Variants in MAP4K5 observed in about 807,000 individuals in gnomAD.
The protein encoded by MAP4K5 is MAPK/ERK kinase kinase kinase 5.
In MAP4K5, 82 loss-of-function variants were observed where a neutral mutation model predicts 135.6. The observed-to-expected ratio is 0.60, with a 90% CI of 0.51 to 0.73. MAP4K5 has a LOEUF of 0.73. Ranked by LOEUF, MAP4K5 falls within the 30% of genes least tolerant of loss-of-function variation. The probability of loss-of-function intolerance (pLI) is 0.00; values close to 1 mark genes in which losing one functional copy is unlikely to be tolerated. For missense variants in MAP4K5, 907 were observed against 1,010.9 expected, an observed-to-expected ratio of 0.90 and a Z score of 1.39; for synonymous variants, 347 against 335.0, an observed-to-expected ratio of 1.04 and a Z score of -0.39.
At chr14:50,518,713 T>C (rs2038085735) in intron 2 of MAP4K5, among the ~76,000 whole-genome samples, 3 of 152,228 alleles carry the variant, frequency 2.0e-5, no homozygotes, top group Admixed American at 6.5e-5. Context: ...TCTATTAGGA[T>C]ACTCATCTGT....
intron 14 of MAP4K5, among the ~76,000 whole-genome samples, chr14:50,452,131 A>G (rs1292803290): frequency 1.3e-5 from 2 of 152,180 alleles, no homozygotes; most frequent in African/African-American, 4.8e-5. Context: ...GGGCTAAGTT[A>G]TGATGTTTGG....
intron 3 of MAP4K5, among the ~76,000 whole-genome samples, chr14:50,491,182 T>A (rs983853440): frequency 6.6e-6 from 1 of 152,120 alleles, no homozygotes; most frequent in African/African-American, 2.4e-5. Context: ...TGTGCCAAGA[T>A]AAAAGGCAGT....
At chr14:50,460,014 T>C (rs1455070356) in intron 13 of MAP4K5, among the ~76,000 whole-genome samples, 1 of 152,170 alleles carries the variant, frequency 6.6e-6, no homozygotes, top group Non-Finnish European at 1.5e-5. Flanking sequence ...GACTTTTCTT[T>C]AGTTCCTTAT....
At chr14:50,446,461 T>C (rs1644915803) in intron 16 of MAP4K5, among the ~76,000 whole-genome samples, 1 of 152,246 alleles carries the variant, frequency 6.6e-6, no homozygotes, top group South Asian at 2.1e-4. Flanking sequence ...AGTGGGTATA[T>C]CATCAAACCT....
intron 5 of MAP4K5, among the ~76,000 whole-genome samples, chr14:50,483,746 G>T (rs919445275): frequency 7.0e-6 from 1 of 143,494 alleles, no homozygotes; most frequent in East Asian, 2.0e-4. Context: ...AAAAAAGCCA[G>T]CTATCTTGAG....
intron 2 of MAP4K5, among the ~76,000 whole-genome samples, chr14:50,524,234 T>G (rs1157766409): frequency 6.6e-6 from 1 of 152,062 alleles, no homozygotes; most frequent in East Asian, 1.9e-4. Context: ...GAAGAAACAT[T>G]TGTGTGCCTC....
chr14:50,432,938 T>A (rs901765763), intron 28 of MAP4K5, among the ~76,000 whole-genome samples: 1 of 152,068 alleles, frequency 6.6e-6, no homozygotes, highest in Non-Finnish European at 1.5e-5. Context: ...TCCAGGTTCA[T>A]GCGATTCTCC....
Position 50,434,386 on chromosome 14 carries a change from A to G in MAP4K5, c.2164+8T>C. 6.3e-7 allele frequency: 1 copy of G among 1,587,794 alleles called. No individual in the cohort carries two copies. The highest frequency in any genetic ancestry group is 1.2e-5 in the South Asian group (1 of 86,802). ...TCAATATTCTAACATAAGGTAAAAA[A>G]TACTTACCTGCACCAATTTCTGTAA... On this transcript the variant is annotated splice_region_variant and intron_variant, in intron 28 of 32. Transcript: ENST00000682126.
intron 3 of MAP4K5, among the ~76,000 whole-genome samples, chr14:50,486,943 CAT>C (rs2037375514): frequency 6.6e-6 from 1 of 152,152 alleles, no homozygotes; most frequent in Non-Finnish European, 1.5e-5. Context: ...CTTAGAAAAA[CAT>C]ACAAGGCCAA....
intron 9 of MAP4K5, among the ~76,000 whole-genome samples, chr14:50,472,788 G>C (rs944627510): frequency 1.3e-5 from 2 of 152,100 alleles, no homozygotes; most frequent in Non-Finnish European, 2.9e-5. Flanking sequence ...GGCAAAACAG[G>C]TAAGTTTCCA....
intron 1 of MAP4K5, among the ~76,000 whole-genome samples, chr14:50,549,060 C>T (rs550575993): frequency 1.2e-4 from 18 of 152,168 alleles, no homozygotes; most frequent in African/African-American, 4.3e-4. Flanking sequence ...GTGTACTAGT[C>T]CTTAAAGTCA....
chr14:50,478,763 G>C (rs1176424378), intron 6 of MAP4K5, among the ~76,000 whole-genome samples: 3 of 152,020 alleles, frequency 2.0e-5, no homozygotes, highest in Non-Finnish European at 4.4e-5. Flanking sequence ...TTCAGTGTTT[G>C]TAAGTCTGAA....
intron 6 of MAP4K5, among the ~76,000 whole-genome samples, chr14:50,480,041 C>T (rs968532437): frequency 6.6e-6 from 1 of 152,126 alleles, no homozygotes; most frequent in African/African-American, 2.4e-5. Flanking sequence ...TTTTGGGTAG[C>T]ATGGTAAATC....
Position 50,466,567 on chromosome 14 carries a change from A to G in MAP4K5, c.737+16T>C. The G allele has an allele frequency of 7.9e-7, 1 of 1,266,712 alleles. No individual in the cohort carries two copies. Among genetic ancestry groups the G allele is most frequent in the Non-Finnish European group, 1.1e-6 (1 of 890,148 alleles). 78.5% of individuals were successfully genotyped at this position (1,266,712 alleles called of 1,614,324 possible). On this transcript the variant is annotated intron_variant, in intron 11 of 32. Coordinates refer to ENST00000682126, the MANE Select transcript of MAP4K5 (RefSeq NM_006575.6). ...CGATTGTAAAATTCTATAAAACTAT[A>G]TATTCTTTAACTCACCATTTTGTTT... is the stretch of plus-strand genomic sequence containing the variant.
At chr14:50,522,263 T>A (rs546261539) in intron 2 of MAP4K5, among the ~76,000 whole-genome samples, 1 of 152,184 alleles carries the variant, frequency 6.6e-6, no homozygotes, top group Admixed American at 6.5e-5. Flanking sequence ...GGGACTACAC[T>A]AGTGATGCAT....
At chr14:50,543,270 A>G (rs1595566909) in intron 1 of MAP4K5, among the ~76,000 whole-genome samples, 1 of 152,370 alleles carries the variant, frequency 6.6e-6, no homozygotes, top group South Asian at 2.1e-4. Context: ...AGCAGAGGCC[A>G]TTGCAGAGAT....
chr14:50,543,792 C>T (rs2038595182), intron 1 of MAP4K5, among the ~76,000 whole-genome samples: 1 of 152,152 alleles, frequency 6.6e-6, no homozygotes, highest in East Asian at 1.9e-4. Flanking sequence ...TAATAACTCT[C>T]TTGAAAGTTT....
chr14:50,451,289 A>G (rs1262775478), intron 14 of MAP4K5, among the ~76,000 whole-genome samples: 3 of 152,190 alleles, frequency 2.0e-5, no homozygotes, highest in Non-Finnish European at 4.4e-5. Flanking sequence ...GGATACATGA[A>G]GAAGAGTGTA....
At chr14:50,512,916 A>G (rs2037959718) in intron 2 of MAP4K5, among the ~76,000 whole-genome samples, 2 of 152,140 alleles carry the variant, frequency 1.3e-5, no homozygotes, top group Non-Finnish European at 2.9e-5. Context: ...TTATGTTTAT[A>G]AAAGGAACTA....
Sources: gnomAD v4.1 joint callset for allele counts (sites outside exome capture counted in the v4.1 genomes callset) on GRCh38, gnomAD v4.1.1 for gene constraint, MANE v1.5 for transcripts, NCBI Gene and HGNC (gene_info 2026-07-23, HGNC 2026-07-21) for gene names.